Variants in ZNF141 observed in about 807,000 individuals in gnomAD.
The protein encoded by ZNF141 is zinc finger protein 141, also known as zinc finger protein 141 (clone pHZ-44).
In ZNF141, 7 loss-of-function variants were observed where a neutral mutation model predicts 11.3. The ratio of observed to expected loss-of-function variants is 0.62; its 90% CI spans 0.35 to 1.16. The LOEUF (loss-of-function observed/expected upper bound fraction) is 1.16, where lower values mean the gene tolerates loss of function less well. Ranked by LOEUF, ZNF141 falls within the 50% of genes most tolerant of loss-of-function variation. The probability of loss-of-function intolerance (pLI) is 0.02; values close to 1 mark genes in which losing one functional copy is unlikely to be tolerated. For synonymous variants in ZNF141, 183 were observed against 190.7 expected, an observed-to-expected ratio of 0.96 and a Z score of 0.33; for missense variants, 535 against 554.0, an observed-to-expected ratio of 0.97 and a Z score of 0.34.
rs540174811 is a variant in ZNF141, at chr4:373,185, A to G, written c.748A>G (p.Thr250Ala). ...SHFAKHKIIH[T>A]GEKPYKCEEC... Reference sequence around the variant, plus strand: ...CTTTGCTAAGCATAAAATAATTCATACTGGAGAAAAACCCTATAAATGTGA... The same window carrying G: ...CTTTGCTAAGCATAAAATAATTCATGCTGGAGAAAAACCCTATAAATGTGA... The change falls in exon 4 of 4, where the codon ACT becomes GCT. Residue 250 changes from threonine to alanine, a missense_variant. Thr to Ala is a moderately conservative substitution (Grantham distance 58). Coordinates refer to ENST00000240499, the MANE Select transcript of ZNF141 (RefSeq NM_003441.4). 6.2e-7 allele frequency: 1 copy of G among 1,613,900 alleles called. No homozygotes were observed. Among genetic ancestry groups the G allele is most frequent in the East Asian group, 2.2e-5 (1 of 44,860 alleles).
rs1306114499 is a variant in ZNF141 at position 338,003 on chromosome 4, G to C, written c.3+17G>C. 1.2e-6 allele frequency: 2 copies of C among 1,613,036 alleles called. No individual in the cohort carries two copies. The highest frequency in any genetic ancestry group is 1.1e-5 in the South Asian group (1 of 91,074). Reference sequence around the variant, plus strand: ...GGGGAAATGGTGAGTGTGCGGGGCAGGGCGTCCCAAGGCTGAGGAGGTCTC... The same window carrying C: ...GGGGAAATGGTGAGTGTGCGGGGCACGGCGTCCCAAGGCTGAGGAGGTCTC... On this transcript the variant is annotated intron_variant, in intron 1 of 3. Transcript: ENST00000240499.
chr4:363,949 CAT>C (rs200722283), intron 3 of ZNF141, among the ~76,000 whole-genome samples: 2,119 of 152,208 alleles, frequency 0.014, 43 homozygotes, highest in African/African-American at 0.047. Context: ...TTGAGACAAT[CAT>C]GTGGTTTTTG....
Position 374,458 on chromosome 4 carries a change from C to G in ZNF141, c.*596C>G. 3.0e-6 allele frequency: 1 copy of G among 333,594 alleles called. No homozygotes were observed. Among genetic ancestry groups the G allele is most frequent in the South Asian group, 2.8e-5 (1 of 35,226 alleles). 20.7% of individuals were successfully genotyped at this position (333,594 alleles called of 1,614,324 possible). On this transcript the variant is annotated 3_prime_UTR_variant, in exon 4 of 4. Transcript: ENST00000240499. ...ATTTATACCAGAGAGAAACCCTACA[C>G]ATGTAAAGAATGTGGCAAAGCCTTC... is the stretch of plus-strand genomic sequence containing the variant.
At chr4:365,204 C>T (rs530362654) in intron 3 of ZNF141, among the ~76,000 whole-genome samples, 1 of 152,300 alleles carries the variant, frequency 6.6e-6, no homozygotes, top group African/African-American at 2.4e-5. Context: ...AGTATTTGGG[C>T]AGGAGATCCC....
At chr4:366,235 TTCG>T (rs1380983467) in intron 3 of ZNF141, among the ~76,000 whole-genome samples, 1 of 152,206 alleles carries the variant, frequency 6.6e-6, no homozygotes, top group Non-Finnish European at 1.5e-5. Flanking sequence ...TATGGCCACT[TTCG>T]TAATGTTTTT....
chr4:343,260 A>G (rs1560179965), intron 1 of ZNF141, among the ~76,000 whole-genome samples: 1 of 152,120 alleles, frequency 6.6e-6, no homozygotes, highest in East Asian at 1.9e-4. Context: ...AGTGTAGCCC[A>G]TTATTTTTAT....
intron 3 of ZNF141, among the ~76,000 whole-genome samples, chr4:357,633 A>T (rs1721904546): frequency 6.6e-6 from 1 of 151,814 alleles, no homozygotes; most frequent in African/African-American, 2.4e-5. Flanking sequence ...ACCTCTTAAG[A>T]GATGTACATT....
intron 3 of ZNF141, among the ~76,000 whole-genome samples, chr4:368,495 G>A (rs1711858218): frequency 6.6e-6 from 1 of 152,180 alleles, no homozygotes; most frequent in Non-Finnish European, 1.5e-5. Context: ...ACCTGTCTCG[G>A]CCTCCCAAAC....
chr4:373,871 C>A lies in ZNF141; in HGVS notation c.*9C>A. On this transcript the variant is annotated 3_prime_UTR_variant, in exon 4 of 4. Transcript: ENST00000240499. ...AGAAAATTCATACTTGAGAGAAATC[C>A]TACAAATGTAAAGAATGTGGCAAAC... 6.3e-7 allele frequency: 1 copy of A among 1,589,096 alleles called. No individual in the cohort carries two copies. Among genetic ancestry groups the A allele is most frequent in the Non-Finnish European group, 8.6e-7 (1 of 1,165,910 alleles).
In ZNF141 at chr4:380,290, C is replaced by T. The variant is rs11734441; in HGVS notation, c.*6428C>T. The stretch of plus-strand genomic sequence containing the variant: ...TGTATTAAAGCATGTATTGGAATTC[C>T]GTATATACATGTTTTAGTAATAGTT... On this transcript the variant is annotated 3_prime_UTR_variant, in exon 4 of 4. Coordinates refer to ENST00000240499, the MANE Select transcript of ZNF141 (RefSeq NM_003441.4). Among the ~76,000 whole-genome samples, 9 of 152,100 alleles carry T rather than the reference C, an allele frequency of 5.9e-5. No homozygotes were observed. In the East Asian group the frequency reaches 9.7e-4, roughly 16 times the overall value.
chr4:366,375 A>G (rs1210169787), intron 3 of ZNF141, among the ~76,000 whole-genome samples: 3 of 152,162 alleles, frequency 2.0e-5, no homozygotes, highest in African/African-American at 7.2e-5. Flanking sequence ...ATGGCACAAT[A>G]TCAGTGCACC....
chr4:365,674 T>G (rs1711709861), intron 3 of ZNF141, among the ~76,000 whole-genome samples: 2 of 152,256 alleles, frequency 1.3e-5, no homozygotes, highest in African/African-American at 4.8e-5. Flanking sequence ...ATGTTACTTC[T>G]TTTGCCTGTG....
intron 3 of ZNF141, among the ~76,000 whole-genome samples, chr4:364,667 C>T (rs79147894): frequency 0.17 from 25,152 of 152,004 alleles, 2,791 homozygotes; most frequent in African/African-American, 0.32. Context: ...GACTGCAGAG[C>T]GGCAAATATT....
At chr4:367,791 A>G (rs1417004160) in intron 3 of ZNF141, among the ~76,000 whole-genome samples, 1 of 152,084 alleles carries the variant, frequency 6.6e-6, no homozygotes, top group Admixed American at 6.5e-5. Flanking sequence ...CTGAGATTAC[A>G]CCGCGCCCAG....
intron 3 of ZNF141, among the ~76,000 whole-genome samples, chr4:367,509 A>G (rs1711803890): frequency 6.7e-6 from 1 of 149,988 alleles, no homozygotes; most frequent in Non-Finnish European, 1.5e-5. Context: ...AAACACATAA[A>G]CTTTACAATC....
chr4:358,898 T>G (rs1316304207), intron 3 of ZNF141, among the ~76,000 whole-genome samples: 2 of 152,178 alleles, frequency 1.3e-5, no homozygotes, highest in African/African-American at 2.4e-5. Context: ...TTTAAGATAA[T>G]TACTTTGAAT....
chr4:375,106 A>G lies in ZNF141; in HGVS notation c.*1244A>G, dbSNP rs1417835075. ...TATATTCGAGAAAAGTTATAGAAATATAAAAAATATAGAAAAGTCATATCT... is the reference window on the plus strand; with the variant it reads ...TATATTCGAGAAAAGTTATAGAAATGTAAAAAATATAGAAAAGTCATATCT... On this transcript the variant is annotated 3_prime_UTR_variant, in exon 4 of 4. Coordinates refer to ENST00000240499, the MANE Select transcript of ZNF141 (RefSeq NM_003441.4). 1 of 152,188 alleles carries G rather than the reference A, an allele frequency of 6.6e-6. No homozygotes were observed. Among genetic ancestry groups the G allele is most frequent in the Non-Finnish European group, 1.5e-5 (1 of 68,000 alleles). 9.4% of individuals were successfully genotyped at this position (152,188 alleles called of 1,614,324 possible).
At chr4:352,620 G>A (rs1361410328) in intron 3 of ZNF141, among the ~76,000 whole-genome samples, 5 of 152,128 alleles carry the variant, frequency 3.3e-5, no homozygotes, top group Non-Finnish European at 7.3e-5. Flanking sequence ...AGTGAAAAGG[G>A]TATTTCTTTG....
At chr4:364,759 T>C (rs1269046678) in intron 3 of ZNF141, among the ~76,000 whole-genome samples, 1 of 152,178 alleles carries the variant, frequency 6.6e-6, no homozygotes, top group Non-Finnish European at 1.5e-5. Flanking sequence ...TACTGGGAGA[T>C]GTCTCCCAGT....
Sources: allele counts gnomAD v4.1 joint callset (sites outside exome capture counted in the v4.1 genomes callset), GRCh38; gene constraint gnomAD v4.1.1; transcripts MANE v1.5; gene names NCBI Gene and HGNC (gene_info 2026-07-23, HGNC 2026-07-21).